Variants in ESRP1 observed in about 807,000 individuals in gnomAD.
ESRP1 encodes epithelial splicing regulatory protein 1.
In ESRP1, 33 loss-of-function variants were observed where a neutral mutation model predicts 81.7. That is an observed-to-expected ratio of 0.40 (90% CI 0.31 to 0.54). The LOEUF (loss-of-function observed/expected upper bound fraction) is 0.54, where lower values mean the gene tolerates loss of function less well. ESRP1 is among the 20% of genes least tolerant of loss of function. The probability of loss-of-function intolerance (pLI) is 0.41; values close to 1 mark genes in which losing one functional copy is unlikely to be tolerated. For synonymous variants in ESRP1, 320 were observed against 303.3 expected, an observed-to-expected ratio of 1.06 and a Z score of -0.57; for missense variants, 672 against 833.1, an observed-to-expected ratio of 0.81 and a Z score of 2.38.
chr8:94,645,607 G>A (rs1290711350), intron 3 of ESRP1, among the ~76,000 whole-genome samples: 1 of 152,180 alleles, frequency 6.6e-6, no homozygotes, highest in Non-Finnish European at 1.5e-5. Context: ...CACAGGTACA[G>A]CTACAATATT....
At chr8:94,655,603 G>T (rs67113852) in intron 4 of ESRP1, among the ~76,000 whole-genome samples, 27,646 of 151,672 alleles carry the variant, frequency 0.18, 2,937 homozygotes, top group African/African-American at 0.29. Context: ...TTAAAATTAT[G>T]CAACCAAACT....
intron 4 of ESRP1, 129 bp downstream of exon 4, chr8:94,646,411 C>T: frequency 1.7e-6 from 1 of 582,350 alleles, no homozygotes; most frequent in South Asian, 2.3e-5. Context: ...AATTTGTTTA[C>T]TCTGCTGAGA....
intron 4 of ESRP1, among the ~76,000 whole-genome samples, chr8:94,650,560 G>A (rs907005606): frequency 6.6e-6 from 1 of 151,666 alleles, no homozygotes; most frequent in Non-Finnish European, 1.5e-5. Flanking sequence ...TGGATGTATG[G>A]TTTGTTTATC....
intron 9 of ESRP1, among the ~76,000 whole-genome samples, chr8:94,666,423 G>T (rs1245925841): frequency 6.6e-6 from 1 of 152,176 alleles, no homozygotes; most frequent in Non-Finnish European, 1.5e-5. Flanking sequence ...TTAATATGTT[G>T]TCAATATTTT....
At chr8:94,677,670 G>A (rs960303855) in intron 12 of ESRP1, among the ~76,000 whole-genome samples, 2 of 152,176 alleles carry the variant, frequency 1.3e-5, no homozygotes, top group African/African-American at 4.8e-5. Flanking sequence ...TGATCTGCTT[G>A]TTTCTTTTAG....
At chr8:94,672,914 T>A (rs141176925) in intron 11 of ESRP1, among the ~76,000 whole-genome samples, 950 of 53,800 alleles carry the variant, frequency 0.018, 9 homozygotes, top group African/African-American at 0.065. Context: ...AGGCTTATAT[T>A]GAAAATACTG....
At chr8:94,660,709 C>CAAAAAAAAAAAAAAAAAAA (rs60316449) in intron 4 of ESRP1, among the ~76,000 whole-genome samples, 1 of 43,542 alleles carries the variant, frequency 2.3e-5, no homozygotes, top group Non-Finnish European at 3.8e-5. Flanking sequence ...GAGACTATCT[C>CAAAAAAAAAAAAAAAAAAA]AAAAAAAAAA....
chr8:94,696,941 A>G lies in ESRP1; in HGVS notation c.*15A>G, dbSNP rs1257283548. 6.4e-7 allele frequency: 1 copy of G among 1,571,056 alleles called. No individual in the cohort carries two copies. The highest frequency in any genetic ancestry group is 8.6e-7 in the Non-Finnish European group (1 of 1,157,050). ...TTTGTATTTAAGGGCCCCAGCAGTT[A>G]GAACATCCTCAGAAAAGAAGGTAAG... On this transcript the variant is annotated 3_prime_UTR_variant, in exon 15 of 16. Transcript: ENST00000433389.
At chr8:94,646,470 G>A (rs1338525583) in intron 4 of ESRP1, 188 bp downstream of exon 4, 1 of 478,254 alleles carries the variant, frequency 2.1e-6, no homozygotes, top group South Asian at 2.9e-5. Flanking sequence ...TAATTAATCA[G>A]ATGGTTGGAC....
chr8:94,659,900 G>A (rs1395307525), intron 4 of ESRP1, among the ~76,000 whole-genome samples: 1 of 152,234 alleles, frequency 6.6e-6, no homozygotes, highest in Non-Finnish European at 1.5e-5. Flanking sequence ...TTAAGCCAAA[G>A]CGCAATCTGG....
chr8:94,649,790 G>A (rs1201494599), intron 4 of ESRP1, among the ~76,000 whole-genome samples: 1 of 152,152 alleles, frequency 6.6e-6, no homozygotes, highest in Non-Finnish European at 1.5e-5. Flanking sequence ...TGGGATTACA[G>A]GCGTGAGCCA....
At chr8:94,663,670 G>A (rs769490050) in intron 6 of ESRP1, among the ~76,000 whole-genome samples, 1 of 152,204 alleles carries the variant, frequency 6.6e-6, no homozygotes, top group Non-Finnish European at 1.5e-5. Context: ...CTTGGTCTCT[G>A]AAGTGAATAG....
chr8:94,657,474 T>C (rs1387212641), intron 4 of ESRP1, among the ~76,000 whole-genome samples: 2 of 111,640 alleles, frequency 1.8e-5, no homozygotes, highest in Admixed American at 2.0e-4. Context: ...GCTGTGTGCG[T>C]GTGTGTGTGT....
At chr8:94,665,647 A>C (rs1818980064) in intron 9 of ESRP1, among the ~76,000 whole-genome samples, 1 of 152,006 alleles carries the variant, frequency 6.6e-6, no homozygotes, top group Non-Finnish European at 1.5e-5. Flanking sequence ...GTGTGCCACC[A>C]TGCCTGGCTA....
rs770339844 is a variant in ESRP1 at position 94,641,967 on chromosome 8, G to T, written c.144G>T (p.Leu48Phe). The T allele has an allele frequency of 2.7e-5, 44 of 1,613,786 alleles. No homozygotes were observed. Among genetic ancestry groups the T allele is most frequent in the Non-Finnish European group, 3.6e-5 (43 of 1,179,836 alleles). The change falls in exon 2 of 16, where the codon TTG (leucine) becomes TTT (phenylalanine). Residue 48 changes from leucine to phenylalanine, a missense_variant. Leu to Phe is a conservative substitution (Grantham distance 22). Transcript: ENST00000433389. ...CTCTACCTTCGGAGGTGGGACAGTT[G>T]CACGAAGTGCTAGTTAGACCGGATC... ...VDLANKKVGQ[L>F]HEVLVRPDQL...
rs188001334 is a variant in ESRP1 at position 94,695,606 on chromosome 8, G to A, written c.1972-1246G>A. On this transcript the variant is annotated intron_variant, in intron 14 of 15. Coordinates refer to ENST00000433389, the MANE Select transcript of ESRP1 (RefSeq NM_017697.4). ...TCTCGAACTCCTGACCTCGTGACCC[G>A]CCTGCGTTGGCATCCCAAAGTGCTA... 3.6e-3 allele frequency among the ~76,000 whole-genome samples: 548 copies of A among 150,154 alleles called. 4 individuals carry two copies. Among genetic ancestry groups the A allele is most frequent in the Non-Finnish European group, 6.6e-3 (448 of 67,804 alleles).
intron 4 of ESRP1, among the ~76,000 whole-genome samples, chr8:94,658,195 G>A (rs536588287): frequency 2.6e-4 from 39 of 150,876 alleles, no homozygotes; most frequent in African/African-American, 9.0e-4. Context: ...TTACAGGCGT[G>A]AGCCACCATG....
intron 4 of ESRP1, among the ~76,000 whole-genome samples, chr8:94,652,625 C>T (rs944379757): frequency 6.6e-6 from 1 of 152,090 alleles, no homozygotes. Context: ...GGAATTACTT[C>T]CTGATTTCTT....
At chr8:94,643,587 ATGG>A (rs1817716139) in intron 3 of ESRP1, among the ~76,000 whole-genome samples, 171 bp downstream of exon 3, 1 of 152,210 alleles carries the variant, frequency 6.6e-6, no homozygotes, top group African/African-American at 2.4e-5. Flanking sequence ...CTGGAAATGG[ATGG>A]TGTTTATGGT....
Sources: gnomAD v4.1 joint callset for allele counts (sites outside exome capture counted in the v4.1 genomes callset) on GRCh38, gnomAD v4.1.1 for gene constraint, MANE v1.5 for transcripts, NCBI Gene and HGNC (gene_info 2026-07-23, HGNC 2026-07-21) for gene names.